Variants in PPFIA2 observed in about 807,000 individuals in gnomAD.
The protein encoded by PPFIA2 is PPFI scaffold protein A2.
In PPFIA2, 46 loss-of-function variants were observed where a neutral mutation model predicts 175.5. That is an observed-to-expected ratio of 0.26 (90% CI 0.21 to 0.34). The LOEUF is 0.34. Among genes scored for constraint, PPFIA2 ranks in the 10% least tolerant of loss-of-function variants. The pLI, the probability that PPFIA2 is intolerant of heterozygous loss-of-function variation, is 1.00. For missense variants in PPFIA2, 1,179 were observed against 1,506.1 expected (o/e 0.78, Z 3.60); for synonymous variants, 568 against 511.4 (o/e 1.11, Z -1.49).
At chr12:81,699,446 G>C (rs118135402) in intron 3 of PPFIA2, among the ~76,000 whole-genome samples, 1 of 151,496 alleles carries the variant, frequency 6.6e-6, no homozygotes, top group African/African-American at 2.4e-5. Flanking sequence ...AAAATTTTAT[G>C]TAACCAAAAT....
intron 7 of PPFIA2, among the ~76,000 whole-genome samples, chr12:81,415,849 T>G (rs750911163): frequency 2.0e-5 from 3 of 151,506 alleles, no homozygotes; most frequent in Admixed American, 6.6e-5. Context: ...TATTAACATG[T>G]AATTCTAATG....
intron 4 of PPFIA2, among the ~76,000 whole-genome samples, chr12:81,616,963 G>C (rs989964071): frequency 6.6e-6 from 1 of 152,104 alleles, no homozygotes; most frequent in Admixed American, 6.5e-5. Flanking sequence ...CAGTATAACA[G>C]TTTAAAGCAT....
rs2067607431 is a variant in PPFIA2 at position 81,549,852 on chromosome 12, CATCCATAT to C, written c.304-91994_304-91987del. Reference sequence around the variant, plus strand: ...TGCTGGGGTCTCTATTCTCTCTCCACATCCATATATCCCAATTAACATATTATATGAAG... The same window carrying C: ...TGCTGGGGTCTCTATTCTCTCTCCACATCCCAATTAACATATTATATGAAG... On this transcript the variant is annotated intron_variant, in intron 4 of 32. Coordinates refer to ENST00000549396, the MANE Select transcript of PPFIA2 (RefSeq NM_003625.5). 3.3e-5 allele frequency among the ~76,000 whole-genome samples: 5 copies of C among 152,034 alleles called. No homozygotes were observed. In the South Asian group the frequency reaches 8.3e-4, roughly 25 times the overall value.
intron 9 of PPFIA2, among the ~76,000 whole-genome samples, chr12:81,383,590 G>A (rs1365184186): frequency 2.6e-5 from 4 of 151,980 alleles, no homozygotes; most frequent in East Asian, 1.9e-4. Context: ...ATACATATGC[G>A]TGTATATGTA....
At chr12:81,740,791 T>C (rs1024256099) in intron 3 of PPFIA2, among the ~76,000 whole-genome samples, 1 of 152,094 alleles carries the variant, frequency 6.6e-6, no homozygotes, top group African/African-American at 2.4e-5. Context: ...ATTTTTCTGT[T>C]GGTATCATTC....
chr12:81,594,688 G>C (rs2059051853), intron 4 of PPFIA2, among the ~76,000 whole-genome samples: 1 of 152,084 alleles, frequency 6.6e-6, no homozygotes, highest in South Asian at 2.1e-4. Context: ...GCCAGTGTTG[G>C]AGGATTGCTT....
intron 4 of PPFIA2, among the ~76,000 whole-genome samples, chr12:81,639,508 C>CACAAAT (rs1174952588): frequency 6.6e-6 from 1 of 151,478 alleles, no homozygotes; most frequent in African/African-American, 2.4e-5. Context: ...TCTTTTTAAC[C>CACAAAT]ACAATTACAA....
intron 4 of PPFIA2, among the ~76,000 whole-genome samples, chr12:81,606,816 A>G (rs962458789): frequency 6.6e-6 from 1 of 152,012 alleles, no homozygotes; most frequent in African/African-American, 2.4e-5. Context: ...CTTTAGTTTA[A>G]TTAGGTACCA....
At chr12:81,306,077 C>T (rs1468701192) in intron 22 of PPFIA2, among the ~76,000 whole-genome samples, 2 of 152,166 alleles carry the variant, frequency 1.3e-5, no homozygotes, top group African/African-American at 2.4e-5. Context: ...ATGGCCATTT[C>T]ATTCACCTTC....
intron 2 of PPFIA2, among the ~76,000 whole-genome samples, chr12:81,755,104 T>C (rs1024691364): frequency 1.3e-5 from 2 of 152,200 alleles, no homozygotes; most frequent in African/African-American, 4.8e-5. Flanking sequence ...ATAAATTATA[T>C]TAGCTAATGT....
At chr12:81,321,682 C>T (rs2053687876) in intron 22 of PPFIA2, among the ~76,000 whole-genome samples, 1 of 152,256 alleles carries the variant, frequency 6.6e-6, no homozygotes, top group South Asian at 2.1e-4. Flanking sequence ...ATATGGCTGA[C>T]AGTTTGATTT....
chr12:81,277,306 A>G lies in PPFIA2; in HGVS notation c.3310+11T>C. Reference sequence around the variant, plus strand: ...AATAAAGGCATTTCATATGAAAGAAAGATATATTACCTTTTATTTCATGTT... The same window carrying G: ...AATAAAGGCATTTCATATGAAAGAAGGATATATTACCTTTTATTTCATGTT... On this transcript the variant is annotated intron_variant, in intron 28 of 32. Coordinates refer to ENST00000549396, the MANE Select transcript of PPFIA2 (RefSeq NM_003625.5). The G allele has an allele frequency of 6.5e-7, 1 of 1,528,788 alleles. No homozygotes were observed. The highest frequency in any genetic ancestry group is 8.8e-7 in the Non-Finnish European group (1 of 1,139,534). 94.7% of individuals were successfully genotyped at this position (1,528,788 alleles called of 1,614,324 possible).
At position 81,716,837 on chromosome 12, in the gene PPFIA2, G is replaced by A. The variant is rs184884577; in HGVS notation, c.249+37136C>T. Among the ~76,000 whole-genome samples the A allele has an allele frequency of 3.4e-4, 51 of 151,596 alleles. 1 individual carries two copies. Among genetic ancestry groups the A allele is most frequent in the Admixed American group, 7.9e-4 (12 of 15,148 alleles). On this transcript the variant is annotated intron_variant, in intron 3 of 32. Transcript: ENST00000549396. ...AGCAAATGTGCTCAGAAAGAGGTGCGAATGCTTTGGATAAATAAATGTTAC... is the reference window on the plus strand; with the variant it reads ...AGCAAATGTGCTCAGAAAGAGGTGCAAATGCTTTGGATAAATAAATGTTAC...
intron 4 of PPFIA2, among the ~76,000 whole-genome samples, chr12:81,541,663 T>C (rs2066232267): frequency 6.7e-6 from 1 of 149,686 alleles, no homozygotes; most frequent in South Asian, 2.1e-4. Context: ...ATTATGTCTT[T>C]AAAGCAATAA....
chr12:81,347,391 T>C (rs2059256323), intron 18 of PPFIA2, 142 bp downstream of exon 18: 4 of 766,396 alleles, frequency 5.2e-6, no homozygotes, highest in Admixed American at 2.2e-5. Flanking sequence ...ACTGATCACA[T>C]AGGGATGTTG....
intron 3 of PPFIA2, among the ~76,000 whole-genome samples, chr12:81,689,338 T>TAAA (rs1406856866): frequency 2.6e-5 from 4 of 152,034 alleles, no homozygotes. Flanking sequence ...GTGATGATCA[T>TAAA]AATGTTAACA....
intron 8 of PPFIA2, among the ~76,000 whole-genome samples, chr12:81,400,760 G>C (rs780909117): frequency 6.6e-6 from 1 of 152,120 alleles, no homozygotes; most frequent in Non-Finnish European, 1.5e-5. Flanking sequence ...TAGTAATTAA[G>C]CTCAAAGTGG....
At chr12:81,353,795 T>C (rs1373815608) in intron 16 of PPFIA2, among the ~76,000 whole-genome samples, 2 of 152,178 alleles carry the variant, frequency 1.3e-5, no homozygotes, top group Admixed American at 6.5e-5. Flanking sequence ...CCAACATTTA[T>C]TTACATCGAT....
chr12:81,602,144 TGTAA>T (rs1437517281), intron 4 of PPFIA2, among the ~76,000 whole-genome samples: 2 of 151,880 alleles, frequency 1.3e-5, no homozygotes, highest in Non-Finnish European at 2.9e-5. Context: ...ACTATATGGT[TGTAA>T]GTGTTAAAAC....
Sources: allele counts gnomAD v4.1 joint callset (sites outside exome capture counted in the v4.1 genomes callset), GRCh38; gene constraint gnomAD v4.1.1; transcripts MANE v1.5; gene names NCBI Gene and HGNC (gene_info 2026-07-23, HGNC 2026-07-21).